The following ASTL variants were observed in gnomAD, a reference collection of about 807,000 sequenced individuals.
ASTL encodes astacin like metalloendopeptidase.
Under a neutral mutation model 36.7 loss-of-function variants are expected in ASTL, and 27 were observed. The observed-to-expected ratio is 0.73, with a 90% CI of 0.54 to 1.01. The LOEUF (loss-of-function observed/expected upper bound fraction) is 1.01. ASTL is among the 50% of genes least tolerant of loss of function. ASTL has a pLI of 0.00. For synonymous variants in ASTL, 222 were observed against 228.1 expected, an observed-to-expected ratio of 0.97 and a Z score of 0.24; for missense variants, 524 against 572.8, an observed-to-expected ratio of 0.91 and a Z score of 0.87.
Position 96,134,030 on chromosome 2 carries a change from C to A in ASTL, c.272G>T (p.Ser91Ile), listed in dbSNP as rs1187711416. The A allele has an allele frequency of 1.2e-6, 2 of 1,613,822 alleles. No homozygotes were observed. The highest frequency in any genetic ancestry group is 1.7e-6 in the Non-Finnish European group (2 of 1,179,848). ...ACTACCACCCATGGGCCATTTGTTG[C>A]TGGTTGCTGACAGCAGTCGGAAGGG... is the stretch of plus-strand genomic sequence containing the variant. ...PSPFRLLSATSNKWPMGGSGV... is the reference protein window; with the variant it reads ...PSPFRLLSATINKWPMGGSGV... Residue 91 changes from serine (S) to isoleucine (I), a missense_variant, in exon 4 of 9, where the codon AGC becomes ATC. By Grantham distance (142) the Ser-to-Ile change is moderately radical. Transcript: ENST00000342380.
intron 3 of ASTL, among the ~76,000 whole-genome samples, chr2:96,134,314 C>T (rs1409924868): frequency 6.6e-6 from 1 of 152,244 alleles, no homozygotes; most frequent in Non-Finnish European, 1.5e-5. Flanking sequence ...AGATTAGTCC[C>T]TGAGGATGTT....
rs777971926 is a variant in ASTL at position 96,135,332 on chromosome 2, C to T, written c.243+19G>A. ...CTGTGGGCTTATCCGCACCCACACA[C>T]GTCAGTGTGTGCACTCACCGGCCGG... On this transcript the variant is annotated intron_variant, in intron 3 of 8. Transcript: ENST00000342380. The T allele has an allele frequency of 4.4e-5, 71 of 1,612,354 alleles. No individual in the cohort carries two copies. Among genetic ancestry groups the T allele is most frequent in the South Asian group, 6.6e-5 (6 of 91,006 alleles).
At chr2:96,137,169 G>A (rs1001029909) in intron 2 of ASTL, among the ~76,000 whole-genome samples, 2 of 152,110 alleles carry the variant, frequency 1.3e-5, no homozygotes, top group African/African-American at 4.8e-5. Context: ...AATCACACCT[G>A]CAGACAGTCC....
intron 8 of ASTL, among the ~76,000 whole-genome samples, chr2:96,125,542 C>A (rs1163403816): frequency 6.6e-6 from 1 of 152,178 alleles, no homozygotes; most frequent in East Asian, 1.9e-4. Flanking sequence ...ATGGTTCCAG[C>A]ATCTGAATGT....
In ASTL at chr2:96,132,457, A is replaced by C. The variant is rs1682199519; in HGVS notation, c.637+83T>G. On this transcript the variant is annotated intron_variant, in intron 6 of 8. Coordinates refer to ENST00000342380, the MANE Select transcript of ASTL (RefSeq NM_001002036.4). The surrounding 1 kb of genome is among the most constrained non-coding windows in gnomAD (Gnocchi z 5.4). Reference sequence around the variant, plus strand: ...GGTGATGGGGAGGATGGATAGCCTCACCCATGGGGACCAGGCGACTTGGGC... The same window carrying C: ...GGTGATGGGGAGGATGGATAGCCTCCCCCATGGGGACCAGGCGACTTGGGC... 1 of 1,284,990 alleles carries C rather than the reference A, an allele frequency of 7.8e-7. No individual in the cohort carries two copies. The highest frequency in any genetic ancestry group is 1.1e-6 in the Non-Finnish European group (1 of 931,588). The allele number at this position is 1,284,990 out of a possible 1,614,324, so 79.6% of individuals were successfully genotyped here.
intron 8 of ASTL, among the ~76,000 whole-genome samples, chr2:96,129,126 A>T (rs1416594375): frequency 2.0e-5 from 3 of 152,184 alleles, no homozygotes; most frequent in African/African-American, 7.2e-5. Context: ...GGAAGACTGA[A>T]TTTTTATAAC....
intron 8 of ASTL, among the ~76,000 whole-genome samples, chr2:96,129,053 GA>G (rs774532084): frequency 1.6e-3 from 237 of 146,376 alleles, no homozygotes; most frequent in Non-Finnish European, 2.6e-3. Context: ...AAAAAAAAAA[GA>G]AAAAAAAAAT....
Position 96,130,063 on chromosome 2 carries a change from C to T in ASTL, c.719+1G>A. 2 of 1,613,708 alleles carry T rather than the reference C, an allele frequency of 1.2e-6. No individual in the cohort carries two copies. Among genetic ancestry groups the T allele is most frequent in the Non-Finnish European group, 1.7e-6 (2 of 1,179,564 alleles). ...GAGGGAGAAGAAGGCAGGGTCCTCA[C>T]CTCCCATAGTGCATCACAGAGGAGT... On this transcript the variant is annotated splice_donor_variant, in intron 7 of 8. Transcript: ENST00000342380. LOFTEE classifies it high-confidence loss of function.
chr2:96,135,242 T>A (rs934269584), intron 3 of ASTL, 109 bp downstream of exon 3: 1 of 807,210 alleles, frequency 1.2e-6, no homozygotes, highest in African/African-American at 1.7e-5. Flanking sequence ...TCTACCAAGC[T>A]ATGTATGTCC....
rs1245350857 is a variant in ASTL, at chr2:96,123,876, G to T, written c.1270C>A (p.His424Asn). 2.2e-5 allele frequency: 35 copies of T among 1,613,634 alleles called. No individual in the cohort carries two copies. The highest frequency in any genetic ancestry group is 3.0e-5 in the Non-Finnish European group (35 of 1,179,800). The stretch of plus-strand genomic sequence containing the variant: ...TAATCTTCGGACATCCCCTTGAAAT[G>T]ATTTCTAGGTACACAGCCCCCTGGC... The part of the protein sequence containing the change: ...ALPGGCVPRN[H>N]FKGMSED The change falls in exon 9 of 9, where the codon CAT becomes AAT. Residue 424 changes from histidine to asparagine, a missense_variant. By Grantham distance (68) the His-to-Asn change is moderately conservative. Coordinates refer to ENST00000342380, the MANE Select transcript of ASTL (RefSeq NM_001002036.4).
intron 2 of ASTL, among the ~76,000 whole-genome samples, chr2:96,135,696 T>C (rs1480994269): frequency 6.6e-6 from 1 of 152,182 alleles, no homozygotes; most frequent in Non-Finnish European, 1.5e-5. Context: ...GACTGAGGCT[T>C]GGGGTCTGTC....
chr2:96,133,688 C>A (rs2104774508), intron 4 of ASTL, 146 bp from the exon 5 acceptor site: 2 of 672,060 alleles, frequency 3.0e-6, no homozygotes, highest in Non-Finnish European at 2.6e-6. Context: ...AGCTGGGCCC[C>A]AGACAGACCC....
At chr2:96,136,073 T>A (rs551883885) in intron 2 of ASTL, among the ~76,000 whole-genome samples, 59 of 152,300 alleles carry the variant, frequency 3.9e-4, no homozygotes, top group Admixed American at 1.2e-3. Context: ...TCTCCCCTCT[T>A]AGTCCCTCTG....
At chr2:96,135,694 C>T (rs1429306593) in intron 2 of ASTL, among the ~76,000 whole-genome samples, 1 of 152,202 alleles carries the variant, frequency 6.6e-6, no homozygotes, top group African/African-American at 2.4e-5. Flanking sequence ...GAGACTGAGG[C>T]TTGGGGTCTG....
At chr2:96,133,909 T>C in intron 4 of ASTL, 56 bp downstream of exon 4, 1 of 1,190,104 alleles carries the variant, frequency 8.4e-7, no homozygotes, top group Non-Finnish European at 1.3e-6. Context: ...GAGGAACACC[T>C]GCCGCATTAG....
intron 8 of ASTL, among the ~76,000 whole-genome samples, chr2:96,128,136 G>T (rs1461798298): frequency 1.3e-5 from 2 of 151,586 alleles, no homozygotes; most frequent in Non-Finnish European, 2.9e-5. Context: ...GGAGGCTGAC[G>T]CAGGAGAATC....
In ASTL at chr2:96,132,351, G is replaced by C. The variant is rs1682197307; in HGVS notation, c.637+189C>G. Among the ~76,000 whole-genome samples the C allele has an allele frequency of 6.6e-6, 1 of 152,214 alleles. No individual in the cohort carries two copies. The highest frequency in any genetic ancestry group is 2.1e-4 in the South Asian group (1 of 4,834). The stretch of plus-strand genomic sequence containing the variant: ...TGGGTAGAGGAAGGCCTGGGGCCCA[G>C]AGCAGCACCCAGAGTACCACCTCCA... On this transcript the variant is annotated intron_variant, in intron 6 of 8. Coordinates refer to ENST00000342380, the MANE Select transcript of ASTL (RefSeq NM_001002036.4). This position sits in a 1 kb window ranked among gnomAD's most constrained non-coding sequence, Gnocchi z 5.4.
At chr2:96,134,568 G>C (rs1287440388) in intron 3 of ASTL, among the ~76,000 whole-genome samples, 1 of 152,230 alleles carries the variant, frequency 6.6e-6, no homozygotes, top group South Asian at 2.1e-4. Context: ...GCACCCCAGC[G>C]TGCCTGTGCC....
chr2:96,133,195 G>A (rs1266375826), intron 5 of ASTL, among the ~76,000 whole-genome samples: 1 of 152,184 alleles, frequency 6.6e-6, no homozygotes, highest in Non-Finnish European at 1.5e-5. Context: ...CCACCTCATG[G>A]AGTCCCCCGG....
Sources: allele counts gnomAD v4.1 joint callset (sites outside exome capture counted in the v4.1 genomes callset), GRCh38; gene constraint gnomAD v4.1.1; non-coding constraint Gnocchi (gnomAD v3.1); transcripts MANE v1.5; gene names NCBI Gene and HGNC (gene_info 2026-07-23, HGNC 2026-07-21).